IGSF11: variants seen among roughly 807,000 people sequenced by gnomAD.
The protein encoded by IGSF11 is immunoglobulin superfamily member 11.
IGSF11 carries 22 observed loss-of-function variants against 41.0 expected under a neutral mutation model. That is an observed-to-expected ratio of 0.54 (90% CI 0.38 to 0.77). The LOEUF (loss-of-function observed/expected upper bound fraction) is 0.77. IGSF11 is among the 30% of genes least tolerant of loss of function. The pLI is 0.00. For synonymous variants in IGSF11, 219 were observed against 201.3 expected (o/e 1.09, Z -0.74); for missense variants, 444 against 530.8 (o/e 0.84, Z 1.61).
At chr3:118,919,162 GA>G (rs1202425896) in intron 4 of IGSF11, among the ~76,000 whole-genome samples, 1 of 136,678 alleles carries the variant, frequency 7.3e-6, no homozygotes, top group East Asian at 2.1e-4. Context: ...AACCCTAGAA[GA>G]AAACCTAGGC....
At chr3:119,031,990 C>T (rs572523606) in intron 1 of IGSF11, among the ~76,000 whole-genome samples, 4 of 152,268 alleles carry the variant, frequency 2.6e-5, no homozygotes, top group East Asian at 1.9e-4. Flanking sequence ...TTATATCTAA[C>T]CCATTAGAAG....
At chr3:119,011,876 T>TA (rs1053635187) in intron 1 of IGSF11, among the ~76,000 whole-genome samples, 3 of 151,922 alleles carry the variant, frequency 2.0e-5, no homozygotes, top group Non-Finnish European at 4.4e-5. Context: ...ATTAATCCTC[T>TA]AAAAAAAGGC....
chr3:119,035,471 C>T (rs1247328921), upstream of IGSF11, among the ~76,000 whole-genome samples: 2 of 152,202 alleles, frequency 1.3e-5, no homozygotes, highest in Non-Finnish European at 2.9e-5. Flanking sequence ...GCCATCTTCT[C>T]TTGCCCCTTT....
intron 1 of IGSF11, among the ~76,000 whole-genome samples, chr3:119,053,086 A>T (rs1941690900): frequency 6.6e-6 from 1 of 152,190 alleles, no homozygotes. Flanking sequence ...GAACTGGAAC[A>T]AGACAAGGAT....
intron 1 of IGSF11, among the ~76,000 whole-genome samples, chr3:119,097,355 T>C (rs1028760177): frequency 2.0e-5 from 3 of 152,112 alleles, no homozygotes; most frequent in Non-Finnish European, 2.9e-5. Flanking sequence ...GGAGATGAAA[T>C]GGTTTATCTT....
At chr3:119,048,344 C>G (rs1352846564) in intron 1 of IGSF11, among the ~76,000 whole-genome samples, 1 of 151,900 alleles carries the variant, frequency 6.6e-6, no homozygotes, top group African/African-American at 2.4e-5. Context: ...GAAATACAAA[C>G]TACCATCAGA....
chr3:118,998,699 G>T (rs568556086), intron 1 of IGSF11, among the ~76,000 whole-genome samples: 2 of 152,086 alleles, frequency 1.3e-5, no homozygotes, highest in South Asian at 4.2e-4. Flanking sequence ...TTCAACTGCT[G>T]GGTGACAGAC....
At chr3:119,061,673 GC>G (rs1298743163) in intron 1 of IGSF11, among the ~76,000 whole-genome samples, 5 of 151,846 alleles carry the variant, frequency 3.3e-5, no homozygotes, top group African/African-American at 1.2e-4. Flanking sequence ...CTATATATCA[GC>G]CTTTCACTCA....
intron 1 of IGSF11, among the ~76,000 whole-genome samples, chr3:119,007,419 G>C (rs370697676): frequency 2.0e-5 from 3 of 151,442 alleles, no homozygotes; most frequent in Admixed American, 6.6e-5. Context: ...GAAATCACCC[G>C]TCTTCTGCGT....
At chr3:119,038,882 A>G (rs543491313), upstream of IGSF11, among the ~76,000 whole-genome samples, 3 of 152,314 alleles carry the variant, frequency 2.0e-5, no homozygotes, top group African/African-American at 7.2e-5. Context: ...CAGCAACAAA[A>G]CAGGTTAGAG....
At chr3:118,992,665 A>T (rs1935902450) in intron 1 of IGSF11, among the ~76,000 whole-genome samples, 1 of 152,244 alleles carries the variant, frequency 6.6e-6, no homozygotes, top group African/African-American at 2.4e-5. Context: ...TTAAGTTACA[A>T]TTATTCCATG....
intron 1 of IGSF11, among the ~76,000 whole-genome samples, chr3:118,959,989 G>A (rs1208743578): frequency 6.6e-6 from 1 of 151,540 alleles, no homozygotes; most frequent in Non-Finnish European, 1.5e-5. Flanking sequence ...AGCTTGCAGT[G>A]AGCGGAGATC....
chr3:118,953,727 A>T (rs1944755553), intron 1 of IGSF11, among the ~76,000 whole-genome samples: 1 of 151,988 alleles, frequency 6.6e-6, no homozygotes, highest in Non-Finnish European at 1.5e-5. Flanking sequence ...CCATGGCCTT[A>T]GCCCACTTTT....
At chr3:119,057,125 C>T (rs1223691351) in intron 1 of IGSF11, among the ~76,000 whole-genome samples, 3 of 151,990 alleles carry the variant, frequency 2.0e-5, no homozygotes, top group Admixed American at 2.0e-4. Context: ...CTGGCCAGGG[C>T]AATTAGGCAG....
intron 1 of IGSF11, among the ~76,000 whole-genome samples, chr3:119,102,996 AAT>A (rs2076961605): frequency 2.4e-5 from 2 of 84,336 alleles, no homozygotes; most frequent in Non-Finnish European, 5.4e-5. Context: ...ATACTTGGCC[AAT>A]TTTTTTTTTT....
intron 1 of IGSF11, chr3:118,949,351 C>T (rs758556015): frequency 6.8e-6 from 1 of 147,344 alleles, no homozygotes; most frequent in Non-Finnish European, 1.5e-5. Context: ...AAAAGTTATA[C>T]TCTGCCTCAG....
chr3:118,996,876 G>A (rs1936324184), intron 1 of IGSF11, among the ~76,000 whole-genome samples: 1 of 152,172 alleles, frequency 6.6e-6, no homozygotes, highest in South Asian at 2.1e-4. Context: ...TGGGATTACA[G>A]GCGTGAGCCA....
intron 4 of IGSF11, among the ~76,000 whole-genome samples, chr3:118,925,436 A>C (rs1052301779): frequency 3.3e-5 from 5 of 152,192 alleles, no homozygotes; most frequent in African/African-American, 9.7e-5. Context: ...GAAGCTGCTA[A>C]ATTTCATTTT....
At chr3:119,099,479 G>C (rs1218074319) in intron 1 of IGSF11, among the ~76,000 whole-genome samples, 2 of 152,168 alleles carry the variant, frequency 1.3e-5, no homozygotes, top group Non-Finnish European at 2.9e-5. Flanking sequence ...CTCTAGGAAT[G>C]CTTCCCAAAG....
Sources: gnomAD v4.1 joint callset for allele counts (sites outside exome capture counted in the v4.1 genomes callset) on GRCh38, gnomAD v4.1.1 for gene constraint, MANE v1.5 for transcripts, NCBI Gene and HGNC (gene_info 2026-07-23, HGNC 2026-07-21) for gene names.